BTRC: variants seen among roughly 807,000 people sequenced by gnomAD.
BTRC encodes the protein beta-transducin repeat containing E3 ubiquitin protein ligase, also known as F-box/WD repeat-containing protein 1A.
A neutral mutation model predicts 85.5 loss-of-function variants in BTRC; 42 were observed. The ratio of observed to expected loss-of-function variants is 0.49; its 90% CI spans 0.38 to 0.64. The LOEUF is 0.64. BTRC is among the 30% of genes least tolerant of loss of function. The pLI is 0.00. For missense variants in BTRC, 594 were observed against 743.5 expected (o/e 0.80, Z 2.34); for synonymous variants, 255 against 263.3 (o/e 0.97, Z 0.30).
At chr10:101,389,420 A>G (rs1943180028) in intron 1 of BTRC, among the ~76,000 whole-genome samples, 1 of 151,962 alleles carries the variant, frequency 6.6e-6, no homozygotes, top group Admixed American at 6.6e-5. Flanking sequence ...GTCTCCACAC[A>G]ATAGCCAGAG....
chr10:101,368,075 G>A (rs1942521672), intron 1 of BTRC, among the ~76,000 whole-genome samples: 1 of 152,210 alleles, frequency 6.6e-6, no homozygotes, highest in Non-Finnish European at 1.5e-5. Flanking sequence ...CAGTGTTGGA[G>A]GTGGGGCCTG....
chr10:101,368,464 C>CTTTTTTTTTT (rs60190021), intron 1 of BTRC, among the ~76,000 whole-genome samples: 8 of 75,344 alleles, frequency 1.1e-4, no homozygotes, highest in African/African-American at 5.1e-4. Context: ...AACTGTTTTT[C>CTTTTTTTTTT]TTTTTTTTTT....
intron 2 of BTRC, among the ~76,000 whole-genome samples, chr10:101,450,709 A>G (rs1481133383): frequency 6.6e-6 from 1 of 152,182 alleles, no homozygotes; most frequent in Non-Finnish European, 1.5e-5. Context: ...ATCTTCGTGT[A>G]TAAAATTGTA....
chr10:101,483,780 A>G (rs1945909795), intron 4 of BTRC, among the ~76,000 whole-genome samples: 1 of 152,134 alleles, frequency 6.6e-6, no homozygotes, highest in South Asian at 2.1e-4. Context: ...TTAAATGGAC[A>G]GTCATTATTA....
rs372833367 is a variant in BTRC at position 101,521,913 on chromosome 10, A to G, written c.556+43A>G. On this transcript the variant is annotated intron_variant, in intron 5 of 14. Transcript: ENST00000370187. ...TGTAAACCATTAATTTGCTATGATGATAAGAGAACTAGATCTCCAGCTATA... is the reference window on the plus strand; with the variant it reads ...TGTAAACCATTAATTTGCTATGATGGTAAGAGAACTAGATCTCCAGCTATA... 7.8e-4 allele frequency: 1,144 copies of G among 1,457,986 alleles called. 3 individuals carry two copies. Among genetic ancestry groups the G allele is most frequent in the Non-Finnish European group, 1.0e-3 (1,055 of 1,053,016 alleles). The allele number at this position is 1,457,986 out of a possible 1,614,324, so 90.3% of individuals were successfully genotyped here. A position where few individuals can be genotyped will look rare whatever the true frequency, so the allele number is the denominator to read the frequency against.
chr10:101,520,407 GA>G (rs1272320031), intron 4 of BTRC, among the ~76,000 whole-genome samples: 1 of 152,140 alleles, frequency 6.6e-6, no homozygotes, highest in African/African-American at 2.4e-5. Context: ...TGATGTTAGA[GA>G]CTGTCATTTT....
chr10:101,525,384 A>G (rs954885274), intron 5 of BTRC, among the ~76,000 whole-genome samples: 8 of 152,164 alleles, frequency 5.3e-5, no homozygotes, highest in Non-Finnish European at 1.0e-4. Context: ...ACTCTCAAAT[A>G]TAGTTTTTTT....
chr10:101,437,063 G>C (rs1413489601), intron 2 of BTRC, among the ~76,000 whole-genome samples: 1 of 152,142 alleles, frequency 6.6e-6, no homozygotes, highest in Non-Finnish European at 1.5e-5. Flanking sequence ...TTCTGTAGCT[G>C]ATACCCTCTC....
intron 3 of BTRC, among the ~76,000 whole-genome samples, chr10:101,463,565 G>A (rs1447985003): frequency 6.6e-6 from 1 of 152,082 alleles, no homozygotes; most frequent in Non-Finnish European, 1.5e-5. Flanking sequence ...TTATAGCATT[G>A]TTCTAGGAAA....
At chr10:101,490,510 G>A (rs1212512650) in intron 4 of BTRC, among the ~76,000 whole-genome samples, 1 of 152,138 alleles carries the variant, frequency 6.6e-6, no homozygotes, top group Non-Finnish European at 1.5e-5. Context: ...ATAGAGTCAA[G>A]TTTTGAACTA....
At position 101,526,051 on chromosome 10, in the gene BTRC, T is replaced by C; in HGVS notation, c.595T>C (p.Tyr199His). Residue 199 changes from tyrosine (Y) to histidine (H), a missense_variant, in exon 6 of 15, where the codon TAC becomes CAC. This residue lies in a region of BTRC where 373 missense variants were observed against 503.6 expected (regional missense o/e 0.74). Coordinates refer to ENST00000370187, the MANE Select transcript of BTRC (RefSeq NM_033637.4). Reference protein sequence around the residue: ...LDHIAENILSYLDAKSLCAAE... With the variant: ...LDHIAENILSHLDAKSLCAAE... ...TCATATTGCTGAGAACATTCTGTCA[T>C]ACCTGGATGCCAAATCACTATGTGC... 2 of 1,614,218 alleles carry C rather than the reference T, an allele frequency of 1.2e-6. No individual in the cohort carries two copies. The highest frequency in any genetic ancestry group is 1.7e-6 in the Non-Finnish European group (2 of 1,180,030).
Position 101,557,096 on chromosome 10 carries a change from A to G in BTRC, c.*3973A>G, listed in dbSNP as rs2062732120. ...ACTCCAATGATGGGACAGGCCTAACAACACATGTAAGCTTCCCCGAGAGCT... is the reference window on the plus strand; with the variant it reads ...ACTCCAATGATGGGACAGGCCTAACGACACATGTAAGCTTCCCCGAGAGCT... On this transcript the variant is annotated 3_prime_UTR_variant, in exon 15 of 15. Transcript: ENST00000370187. 1.3e-5 allele frequency: 2 copies of G among 152,156 alleles called. No individual in the cohort carries two copies. Among genetic ancestry groups the G allele is most frequent in the Admixed American group, 1.3e-4 (2 of 15,270 alleles). The allele number at this position is 152,156 out of a possible 1,614,324, so 9.4% of individuals were successfully genotyped here.
At chr10:101,417,439 G>T (rs1273556613) in intron 1 of BTRC, among the ~76,000 whole-genome samples, 1 of 152,170 alleles carries the variant, frequency 6.6e-6, no homozygotes, top group Non-Finnish European at 1.5e-5. Flanking sequence ...ATCTTCGACA[G>T]GAATATCACA....
chr10:101,501,340 G>T (rs978905156), intron 4 of BTRC, among the ~76,000 whole-genome samples: 3 of 152,220 alleles, frequency 2.0e-5, no homozygotes, highest in African/African-American at 4.8e-5. Context: ...TTAAGAGCCA[G>T]ACTGAGCTTC....
intron 1 of BTRC, among the ~76,000 whole-genome samples, chr10:101,375,300 T>C (rs1252931508): frequency 1.3e-5 from 2 of 152,056 alleles, no homozygotes; most frequent in Non-Finnish European, 2.9e-5. Flanking sequence ...TTCTTCCTGC[T>C]TCGGCCATAT....
At chr10:101,433,739 T>C (rs1396849187) in intron 2 of BTRC, among the ~76,000 whole-genome samples, 1 of 152,322 alleles carries the variant, frequency 6.6e-6, no homozygotes, top group East Asian at 1.9e-4. Context: ...AAGTTTTACC[T>C]GATCTGATTT....
At chr10:101,478,546 A>G (rs908953403) in intron 3 of BTRC, among the ~76,000 whole-genome samples, 5 of 151,964 alleles carry the variant, frequency 3.3e-5, no homozygotes, top group Non-Finnish European at 5.9e-5. Context: ...ATCCCAGCAC[A>G]TTAGAAGGCT....
chr10:101,532,210 G>C (rs1003381244), intron 7 of BTRC, 85 bp from the exon 8 acceptor site: 4 of 1,419,366 alleles, frequency 2.8e-6, no homozygotes, highest in Non-Finnish European at 3.8e-6. Context: ...GTAAAGCATT[G>C]AGCCATTGAT....
intron 6 of BTRC, among the ~76,000 whole-genome samples, chr10:101,527,367 A>G (rs1297847416): frequency 6.6e-6 from 1 of 151,780 alleles, no homozygotes; most frequent in Non-Finnish European, 1.5e-5. Flanking sequence ...TCAGATTTTT[A>G]TCATTCTGGC....
Sources: allele counts gnomAD v4.1 joint callset (sites outside exome capture counted in the v4.1 genomes callset), GRCh38; gene constraint gnomAD v4.1.1; regional missense constraint gnomAD v4.1.1; transcripts MANE v1.5; gene names NCBI Gene and HGNC (gene_info 2026-07-23, HGNC 2026-07-21).